Variants in SCARA3 observed in about 807,000 individuals in gnomAD.
The protein encoded by SCARA3 is scavenger receptor class A member 3.
SCARA3 carries 39 observed loss-of-function variants against 47.0 expected under a neutral mutation model. The observed-to-expected ratio is 0.83, with a 90% CI of 0.64 to 1.08. SCARA3 has a LOEUF of 1.08. SCARA3 is among the 50% of genes least tolerant of loss of function. SCARA3 has a pLI of 0.00. For synonymous variants in SCARA3, 356 were observed against 334.1 expected (o/e 1.07, Z -0.71); for missense variants, 724 against 792.3 (o/e 0.91, Z 1.04).
the SCARA3 span, among the ~76,000 whole-genome samples, chr8:27,696,023 A>T: frequency 6.8e-6 from 1 of 147,452 alleles, no homozygotes; most frequent in Non-Finnish European, 1.5e-5. Context: ...TTTTATTTTA[A>T]TTTTTTTTTT....
downstream of SCARA3, among the ~76,000 whole-genome samples, chr8:27,681,115 C>T (rs1036315907): frequency 6.6e-6 from 1 of 151,990 alleles, no homozygotes; most frequent in African/African-American, 2.4e-5. Flanking sequence ...CAACTTACAG[C>T]CAACATTGTA....
Position 27,659,876 on chromosome 8 carries a change from AAGAGAGAG to A in SCARA3, c.1369+345_1369+352del, listed in dbSNP as rs60317551. Among the ~76,000 whole-genome samples the A allele has an allele frequency of 2.1e-3, 193 of 90,648 alleles. 2 individuals carry two copies. Among genetic ancestry groups the A allele is most frequent in the African/African-American group, 6.0e-3 (185 of 30,744 alleles). 59.5% of individuals were successfully genotyped at this position (90,648 alleles called of 152,430 possible). A position where few individuals can be genotyped will look rare whatever the true frequency, so the allele number is the denominator to read the frequency against. ...AAAAAAAAAAAAAAAAAAAAAAAAAAAGAGAGAGAGAGAGAAAAGAAAAAAGGAAAAGA... is the reference window on the plus strand; with the variant it reads ...AAAAAAAAAAAAAAAAAAAAAAAAAAAGAGAGAAAAGAAAAAAGGAAAAGA... On this transcript the variant is annotated intron_variant, in intron 5 of 5. Transcript: ENST00000301904.
At position 27,671,307 on chromosome 8, in the gene SCARA3, C is replaced by G; in HGVS notation, c.1777C>G (p.Leu593Val). 1 of 1,431,582 alleles carries G rather than the reference C, an allele frequency of 7.0e-7. No homozygotes were observed. Among genetic ancestry groups the G allele is most frequent in the South Asian group, 1.5e-5 (1 of 65,304 alleles). 88.7% of individuals were successfully genotyped at this position (1,431,582 alleles called of 1,614,324 possible). A position where few individuals can be genotyped will look rare whatever the true frequency, so the allele number is the denominator to read the frequency against. The change falls in exon 6 of 6, where the codon CTC becomes GTC. Residue 593 changes from leucine (L) to valine (V), a missense_variant. Coordinates refer to ENST00000301904, the MANE Select transcript of SCARA3 (RefSeq NM_016240.3). ...GEPGIQGPPG[L>V]PGPPGPPGSQ... Reference sequence around the variant, plus strand: ...ACCAGGGATCCAGGGTCCCCCTGGTCTCCCGGGGCCTCCAGGTCCACCAGG... The same window carrying G: ...ACCAGGGATCCAGGGTCCCCCTGGTGTCCCGGGGCCTCCAGGTCCACCAGG...
At chr8:27,713,086 A>G in the SCARA3 span, among the ~76,000 whole-genome samples, 2 of 152,318 alleles carry the variant, frequency 1.3e-5, no homozygotes, top group Non-Finnish European at 2.9e-5. Flanking sequence ...TAGTAATCAT[A>G]CTCCATTTAG....
the SCARA3 span, among the ~76,000 whole-genome samples, chr8:27,704,762 A>G: frequency 6.6e-6 from 1 of 151,976 alleles, no homozygotes; most frequent in Non-Finnish European, 1.5e-5. Flanking sequence ...TCACACACAC[A>G]CACACACGCA....
chr8:27,733,084 G>A, the SCARA3 span, among the ~76,000 whole-genome samples: 1 of 152,108 alleles, frequency 6.6e-6, no homozygotes, highest in Admixed American at 6.5e-5. Flanking sequence ...CAAATATTGT[G>A]GCCTTTCAGC....
chr8:27,679,282 AC>A (rs1427667865), downstream of SCARA3, among the ~76,000 whole-genome samples: 2 of 152,134 alleles, frequency 1.3e-5, no homozygotes, highest in South Asian at 4.1e-4. Context: ...GAATAAAGAC[AC>A]TTTTTTATTT....
chr8:27,638,928 G>C (rs909900717), intron 1 of SCARA3, among the ~76,000 whole-genome samples: 2 of 152,174 alleles, frequency 1.3e-5, no homozygotes. Flanking sequence ...ACAGGCTCCT[G>C]GTTCTTGCTG....
chr8:27,665,047 G>A (rs1271342855), intron 5 of SCARA3, among the ~76,000 whole-genome samples: 1 of 152,178 alleles, frequency 6.6e-6, no homozygotes, highest in Non-Finnish European at 1.5e-5. Flanking sequence ...TGTGACACAG[G>A]AGCTGGCAAT....
upstream of SCARA3, among the ~76,000 whole-genome samples, chr8:27,633,608 C>G (rs530277510): frequency 6.6e-5 from 10 of 152,320 alleles, no homozygotes; most frequent in Non-Finnish European, 1.3e-4. Context: ...GTGAGCCCCC[C>G]CATTGCGGCC....
chr8:27,646,966 G>GCCC lies in SCARA3; in HGVS notation c.8-2733_8-2731dup, dbSNP rs869278331. 6.4e-4 allele frequency among the ~76,000 whole-genome samples: 19 copies of GCCC among 29,856 alleles called. 4 individuals carry two copies. Among genetic ancestry groups the GCCC allele is most frequent in the East Asian group, 2.6e-3 (1 of 380 alleles). The allele number at this position is 29,856 out of a possible 152,430, so 19.6% of individuals were successfully genotyped here. On this transcript the variant is annotated intron_variant, in intron 1 of 5. Coordinates refer to ENST00000301904, the MANE Select transcript of SCARA3 (RefSeq NM_016240.3). ...AAAGCACTTGCCCGCACCCCTGACC[G>GCCC]CCCCCGCCCCCCCCCCGCACACACA...
At chr8:27,668,542 G>A (rs1207418088) in intron 5 of SCARA3, among the ~76,000 whole-genome samples, 13 of 64,642 alleles carry the variant, frequency 2.0e-4, no homozygotes, top group African/African-American at 5.1e-4. Flanking sequence ...GCGAGACTCC[G>A]TCTCAAAAAA....
downstream of SCARA3, chr8:27,676,528 AT>A: frequency 6.2e-7 from 1 of 1,607,260 alleles, no homozygotes; most frequent in Admixed American, 1.7e-5. Flanking sequence ...GGAACAAACT[AT>A]TAAATATTAG....
chr8:27,678,612 C>G (rs765497839), downstream of SCARA3, among the ~76,000 whole-genome samples: 6 of 152,118 alleles, frequency 3.9e-5, no homozygotes, highest in Non-Finnish European at 4.4e-5. Flanking sequence ...ATTTAAGGAA[C>G]AAATAATACA....
chr8:27,653,926 A>T (rs1381891575), intron 3 of SCARA3, among the ~76,000 whole-genome samples: 1 of 152,028 alleles, frequency 6.6e-6, no homozygotes, highest in Non-Finnish European at 1.5e-5. Context: ...TCACAACCAA[A>T]CTCGTCACAG....
the SCARA3 span, among the ~76,000 whole-genome samples, chr8:27,718,736 A>C: frequency 6.6e-6 from 1 of 152,250 alleles, no homozygotes; most frequent in Admixed American, 6.5e-5. Flanking sequence ...CATTAGGACT[A>C]ATCAGAATTT....
chr8:27,685,716 A>C, the SCARA3 span, among the ~76,000 whole-genome samples: 16 of 152,324 alleles, frequency 1.1e-4, no homozygotes, highest in African/African-American at 3.4e-4. Context: ...AAAGTACACA[A>C]CACCACCTAT....
the SCARA3 span, among the ~76,000 whole-genome samples, chr8:27,711,672 A>T: frequency 6.6e-6 from 1 of 152,152 alleles, no homozygotes; most frequent in Admixed American, 6.5e-5. Context: ...GAGCTAGGAA[A>T]TATATATTTT....
chr8:27,706,297 A>G, the SCARA3 span, among the ~76,000 whole-genome samples: 1 of 152,030 alleles, frequency 6.6e-6, no homozygotes, highest in African/African-American at 2.4e-5. Flanking sequence ...GGGATTACAG[A>G]TGTGCACCAC....
Sources: allele counts gnomAD v4.1 joint callset (sites outside exome capture counted in the v4.1 genomes callset), GRCh38; gene constraint gnomAD v4.1.1; transcripts MANE v1.5; gene names NCBI Gene and HGNC (gene_info 2026-07-23, HGNC 2026-07-21).